Variants in RABGAP1L observed in about 807,000 individuals in gnomAD.
RABGAP1L encodes RAB GTPase activating protein 1 like.
Under a neutral mutation model 137.7 loss-of-function variants are expected in RABGAP1L, and 63 were observed. The observed-to-expected ratio is 0.46, with a 90% CI of 0.37 to 0.56. RABGAP1L has a LOEUF of 0.56. RABGAP1L is among the 20% of genes least tolerant of loss of function. RABGAP1L has a pLI of 0.00. For synonymous variants in RABGAP1L, 431 were observed against 433.7 expected (o/e 0.99, Z 0.08); for missense variants, 1,095 against 1,244.0 (o/e 0.88, Z 1.80).
At chr1:174,732,200 C>G (rs553118019) in intron 17 of RABGAP1L, among the ~76,000 whole-genome samples, 2 of 119,984 alleles carry the variant, frequency 1.7e-5, no homozygotes, top group East Asian at 2.9e-4. Flanking sequence ...CCCATCCCCC[C>G]CAAAAAAAAA....
At chr1:174,701,119 G>A in intron 16 of RABGAP1L, 2 of 1,304,634 alleles carry the variant, frequency 1.5e-6, no homozygotes, top group Non-Finnish European at 2.0e-6. Flanking sequence ...AAAACAAAAT[G>A]AAGGTGGCCT....
intron 7 of RABGAP1L, 114 bp downstream of exon 7, chr1:174,252,704 A>C: frequency 7.0e-7 from 1 of 1,421,080 alleles, no homozygotes; most frequent in Non-Finnish European, 9.3e-7. Context: ...ATTAAAAATG[A>C]GGATAATTAA....
chr1:174,689,306 C>G (rs1678706483), intron 15 of RABGAP1L, among the ~76,000 whole-genome samples: 1 of 151,706 alleles, frequency 6.6e-6, no homozygotes, highest in South Asian at 2.1e-4. Flanking sequence ...AAGATAAAGG[C>G]TTCATTTTGA....
chr1:174,355,789 CTT>C (rs1400559980), intron 11 of RABGAP1L, among the ~76,000 whole-genome samples: 3 of 151,976 alleles, frequency 2.0e-5, no homozygotes, highest in Non-Finnish European at 4.4e-5. Context: ...TAATTAAAAA[CTT>C]GTTATTAGAT....
intron 14 of RABGAP1L, among the ~76,000 whole-genome samples, chr1:174,669,105 G>A (rs1370299765): frequency 6.6e-6 from 1 of 152,118 alleles, no homozygotes; most frequent in Admixed American, 6.6e-5. Flanking sequence ...TCACAGTTCA[G>A]CATGGTGGGG....
At chr1:174,417,065 TTTTTG>T (rs1650678791) in intron 13 of RABGAP1L, among the ~76,000 whole-genome samples, 1 of 152,054 alleles carries the variant, frequency 6.6e-6, no homozygotes. Flanking sequence ...ATTAGGAAGG[TTTTTG>T]GCATTACTTT....
intron 1 of RABGAP1L, among the ~76,000 whole-genome samples, chr1:174,192,302 T>C (rs1188489279): frequency 2.0e-5 from 3 of 150,470 alleles, no homozygotes; most frequent in Admixed American, 6.7e-5. Flanking sequence ...GAGTCACTTA[T>C]CCACCTGTCT....
intron 13 of RABGAP1L, among the ~76,000 whole-genome samples, chr1:174,555,713 C>A (rs993586040): frequency 7.9e-5 from 12 of 152,096 alleles, no homozygotes; most frequent in African/African-American, 2.9e-4. Context: ...TATTGATAGT[C>A]TCAAAGGTGA....
intron 15 of RABGAP1L, among the ~76,000 whole-genome samples, chr1:174,694,945 G>A (rs909062410): frequency 1.3e-5 from 2 of 151,990 alleles, no homozygotes; most frequent in Non-Finnish European, 2.9e-5. Flanking sequence ...TTTCTCTGAT[G>A]GCCAGTGATG....
intron 15 of RABGAP1L, among the ~76,000 whole-genome samples, chr1:174,686,313 C>T (rs1197352467): frequency 6.6e-6 from 1 of 151,584 alleles, no homozygotes; most frequent in Non-Finnish European, 1.5e-5. Context: ...GGTTTTTTTC[C>T]CTCTGTTACA....
chr1:174,555,840 A>G (rs913021530), intron 13 of RABGAP1L, among the ~76,000 whole-genome samples: 6 of 152,142 alleles, frequency 3.9e-5, no homozygotes, highest in Non-Finnish European at 8.8e-5. Context: ...ATTCTTTTTC[A>G]GGAGAAGTGA....
intron 13 of RABGAP1L, among the ~76,000 whole-genome samples, chr1:174,581,730 A>C (rs1397038788): frequency 6.6e-6 from 1 of 152,210 alleles, no homozygotes; most frequent in African/African-American, 2.4e-5. Flanking sequence ...TTTTTTAAAC[A>C]AAAAGATTAT....
At chr1:174,337,301 C>T (rs1232116738) in intron 11 of RABGAP1L, among the ~76,000 whole-genome samples, 1 of 152,038 alleles carries the variant, frequency 6.6e-6, no homozygotes, top group Non-Finnish European at 1.5e-5. Context: ...CCCACGGTAG[C>T]TTGCATATTC....
At chr1:174,679,542 C>T (rs75540548) in intron 14 of RABGAP1L, among the ~76,000 whole-genome samples, 11,930 of 152,198 alleles carry the variant, frequency 0.078, 647 homozygotes, top group East Asian at 0.31. Context: ...CCTCTTTGAG[C>T]ACTTATATTC....
intron 21 of RABGAP1L, among the ~76,000 whole-genome samples, chr1:174,969,755 C>T (rs1669971976): frequency 6.6e-6 from 1 of 152,072 alleles, no homozygotes; most frequent in African/African-American, 2.4e-5. Flanking sequence ...GAATTATTCT[C>T]CATAATAAAT....
At chr1:174,693,229 C>T (rs1471167750) in intron 15 of RABGAP1L, among the ~76,000 whole-genome samples, 1 of 152,222 alleles carries the variant, frequency 6.6e-6, no homozygotes, top group African/African-American at 2.4e-5. Context: ...GTAAACTCTT[C>T]ACTGATTTCC....
chr1:174,160,246 C>T (rs556407319), intron 1 of RABGAP1L, among the ~76,000 whole-genome samples: 1 of 150,654 alleles, frequency 6.6e-6, no homozygotes, highest in South Asian at 2.1e-4. Flanking sequence ...TCAAAGTTGA[C>T]CTCCTGAGCC....
chr1:174,992,364 C>T lies in RABGAP1L; in HGVS notation c.*2363C>T, dbSNP rs12723394. The T allele has an allele frequency of 0.17, 26,106 of 152,078 alleles. 2,678 individuals carry two copies. The highest frequency in any genetic ancestry group is 0.23 in the Non-Finnish European group (15,937 of 67,994). The allele number at this position is 152,078 out of a possible 1,614,324, so 9.4% of individuals were successfully genotyped here. A position where few individuals can be genotyped will look rare whatever the true frequency, so the allele number is the denominator to read the frequency against. On this transcript the variant is annotated 3_prime_UTR_variant, in exon 26 of 26. Coordinates refer to ENST00000681986, the MANE Select transcript of RABGAP1L (RefSeq NM_001366446.1). Reference sequence around the variant, plus strand: ...TTGAGGCAGGAGAATCACTTGAACCCAGGAGGCAGAGGTTGCAGTGGGCCA... The same window carrying T: ...TTGAGGCAGGAGAATCACTTGAACCTAGGAGGCAGAGGTTGCAGTGGGCCA...
intron 11 of RABGAP1L, among the ~76,000 whole-genome samples, chr1:174,316,294 T>C (rs569180744): frequency 6.6e-6 from 1 of 152,360 alleles, no homozygotes; most frequent in South Asian, 2.1e-4. Context: ...GTGTTGATGC[T>C]AGTAGATGTT....
Sources: gnomAD v4.1 joint callset for allele counts (sites outside exome capture counted in the v4.1 genomes callset) on GRCh38, gnomAD v4.1.1 for gene constraint, MANE v1.5 for transcripts, NCBI Gene and HGNC (gene_info 2026-07-23, HGNC 2026-07-21) for gene names.